Variants in SV2C observed in about 807,000 individuals in gnomAD.
The protein encoded by SV2C is solute carrier family 22 member B3.
In SV2C, 49 loss-of-function variants were observed where a neutral mutation model predicts 79.7. The ratio of observed to expected loss-of-function variants is 0.61; its 90% CI spans 0.49 to 0.78. The LOEUF is 0.78. SV2C is among the 30% of genes least tolerant of loss of function. SV2C has a pLI of 0.00. For missense variants in SV2C, 833 were observed against 912.9 expected (o/e 0.91, Z 1.13); for synonymous variants, 334 against 333.2 (o/e 1.00, Z -0.03).
chr5:76,055,859 C>G, the SV2C span, among the ~76,000 whole-genome samples: 1 of 152,114 alleles, frequency 6.6e-6, no homozygotes, highest in Non-Finnish European at 1.5e-5. Context: ...TATCCTGAGA[C>G]TTTGCTGAAG....
intron 4 of SV2C, among the ~76,000 whole-genome samples, chr5:76,234,913 A>G (rs1387359620): frequency 6.6e-6 from 1 of 152,226 alleles, no homozygotes; most frequent in Non-Finnish European, 1.5e-5. Context: ...GAGCAACTAC[A>G]AATGCTGGCC....
At chr5:75,884,268 G>A in the SV2C span, among the ~76,000 whole-genome samples, 9 of 152,230 alleles carry the variant, frequency 5.9e-5, no homozygotes, top group East Asian at 1.9e-4. Flanking sequence ...TTTTGCCAAC[G>A]TGGTAATTTA....
chr5:76,026,166 T>A, the SV2C span, among the ~76,000 whole-genome samples: 1 of 148,648 alleles, frequency 6.7e-6, no homozygotes, highest in South Asian at 2.1e-4. Flanking sequence ...CTCAAAGAGA[T>A]TTCTTCAAGT....
intron 12 of SV2C, among the ~76,000 whole-genome samples, chr5:76,310,116 C>A (rs997280133): frequency 5.9e-5 from 9 of 151,966 alleles, no homozygotes; most frequent in African/African-American, 2.2e-4. Context: ...TGGGAGACAG[C>A]AGTGAACAAA....
the SV2C span, among the ~76,000 whole-genome samples, chr5:75,947,674 G>A: frequency 2.6e-5 from 4 of 152,066 alleles, no homozygotes; most frequent in East Asian, 7.7e-4. Flanking sequence ...CAAGGGCAGA[G>A]TGTACCTCAT....
chr5:75,988,145 A>G, the SV2C span, among the ~76,000 whole-genome samples: 1 of 152,022 alleles, frequency 6.6e-6, no homozygotes. Flanking sequence ...ATATACATTT[A>G]AGATAGGACA....
the SV2C span, among the ~76,000 whole-genome samples, chr5:75,949,788 G>T: frequency 6.6e-6 from 1 of 151,992 alleles, no homozygotes; most frequent in Non-Finnish European, 1.5e-5. Flanking sequence ...CCCAGTCTCG[G>T]ATATGTCTTT....
chr5:76,039,745 GA>G, the SV2C span, among the ~76,000 whole-genome samples: 1 of 128,094 alleles, frequency 7.8e-6, no homozygotes. Flanking sequence ...AACAAGAGTG[GA>G]ACTCCATCTC....
the SV2C span, among the ~76,000 whole-genome samples, chr5:76,028,900 T>G: frequency 2.6e-5 from 4 of 152,202 alleles, no homozygotes; most frequent in African/African-American, 9.7e-5. Context: ...TGCCTCTAGC[T>G]GAGAAGTATA....
chr5:76,012,584 T>G, the SV2C span, among the ~76,000 whole-genome samples: 1 of 152,252 alleles, frequency 6.6e-6, no homozygotes, highest in African/African-American at 2.4e-5. Flanking sequence ...TAGTTTCTTT[T>G]GCTGTGCAGA....
chr5:76,178,012 T>C (rs1743595599), intron 2 of SV2C, among the ~76,000 whole-genome samples: 1 of 152,318 alleles, frequency 6.6e-6, no homozygotes, highest in Non-Finnish European at 1.5e-5. Context: ...GATAAATACA[T>C]TTTTCATAAG....
intron 4 of SV2C, among the ~76,000 whole-genome samples, chr5:76,219,069 C>G (rs1744988376): frequency 6.6e-6 from 1 of 152,130 alleles, no homozygotes; most frequent in South Asian, 2.1e-4. Context: ...TCTAGGGTGT[C>G]AGGGCAGGCC....
intron 1 of SV2C, among the ~76,000 whole-genome samples, chr5:76,106,900 A>G (rs1436791915): frequency 6.6e-6 from 1 of 152,166 alleles, no homozygotes. Flanking sequence ...CATGCTAGCA[A>G]GTAAACTCCA....
chr5:76,294,622 T>C (rs1234095343), intron 8 of SV2C, among the ~76,000 whole-genome samples: 1 of 152,200 alleles, frequency 6.6e-6, no homozygotes, highest in Admixed American at 6.5e-5. Flanking sequence ...ATAAAAATTA[T>C]TAGCAACAAT....
chr5:75,861,650 A>T, the SV2C span, among the ~76,000 whole-genome samples: 239 of 152,324 alleles, frequency 1.6e-3, 1 homozygote, highest in African/African-American at 4.7e-3. Context: ...AAAGAATGAA[A>T]TTATGTCCTT....
chr5:75,958,173 C>G, the SV2C span, among the ~76,000 whole-genome samples: 1 of 151,944 alleles, frequency 6.6e-6, no homozygotes, highest in Non-Finnish European at 1.5e-5. Flanking sequence ...AAAATAAGCT[C>G]CTGGCATACT....
chr5:75,882,085 T>C, the SV2C span, among the ~76,000 whole-genome samples: 2,195 of 150,296 alleles, frequency 0.015, 72 homozygotes, highest in African/African-American at 0.052. Context: ...GTTCTGTTTA[T>C]ATGCTGGACT....
At chr5:76,189,885 A>G (rs1195040408) in intron 2 of SV2C, among the ~76,000 whole-genome samples, 3 of 152,240 alleles carry the variant, frequency 2.0e-5, no homozygotes, top group Non-Finnish European at 2.9e-5. Flanking sequence ...AGTCTTTCTT[A>G]CATTCACTTT....
intron 4 of SV2C, among the ~76,000 whole-genome samples, chr5:76,245,936 A>ATGTGTATGTGTGTGTGTGTGTG (rs375007331): frequency 4.5e-4 from 58 of 129,148 alleles, no homozygotes; most frequent in African/African-American, 1.5e-3. Context: ...GTGTGTGTGT[A>ATGTGTATGTGTGTGTGTGTGTG]TGTGTGTGTG....
Sources: gnomAD v4.1 joint callset for allele counts (sites outside exome capture counted in the v4.1 genomes callset) on GRCh38, gnomAD v4.1.1 for gene constraint, MANE v1.5 for transcripts, NCBI Gene and HGNC (gene_info 2026-07-23, HGNC 2026-07-21) for gene names.